TMEM150C: variants seen among roughly 807,000 people sequenced by gnomAD.
TMEM150C encodes the protein tentonin 3.
In TMEM150C, 10 loss-of-function variants were observed where a neutral mutation model predicts 29.9. That is an observed-to-expected ratio of 0.33 (90% CI 0.21 to 0.57). TMEM150C has a LOEUF of 0.57. Ranked by LOEUF, TMEM150C falls within the 20% of genes least tolerant of loss-of-function variation. The pLI is 0.88. For missense variants in TMEM150C, 251 were observed against 303.6 expected, an observed-to-expected ratio of 0.83 and a Z score of 1.29; for synonymous variants, 101 against 112.5, an observed-to-expected ratio of 0.90 and a Z score of 0.64.
chr4:82,507,727 CTTTTTTTTTTTTTTTTTTTTTTTTTTTTT>C (rs869112887), intron 1 of TMEM150C, among the ~76,000 whole-genome samples: 39 of 20,590 alleles, frequency 1.9e-3, no homozygotes, highest in Non-Finnish European at 2.5e-3. Flanking sequence ...CTCTCTCTCT[CTTTTTTTTTTTTTTTTTTTTTTTTTTTTT>C]TTTTTTTTTT....
chr4:82,544,716 CTGCAGT>C (rs1725304243), intron 1 of TMEM150C, among the ~76,000 whole-genome samples: 1 of 146,300 alleles, frequency 6.8e-6, no homozygotes, highest in African/African-American at 2.7e-5. Flanking sequence ...CAGGTAGAGG[CTGCAGT>C]GAGCCATGTT....
Position 82,484,439 on chromosome 4 carries a change from G to C in TMEM150C, c.*1072C>G, listed in dbSNP as rs1428139566. 1 of 148,876 alleles carries C rather than the reference G, an allele frequency of 6.7e-6. No individual in the cohort carries two copies. Among genetic ancestry groups the C allele is most frequent in the Non-Finnish European group, 1.5e-5 (1 of 67,386 alleles). The allele number at this position is 148,876 out of a possible 1,614,324, so 9.2% of individuals were successfully genotyped here. On this transcript the variant is annotated 3_prime_UTR_variant, in exon 8 of 8. Coordinates refer to ENST00000449862, the MANE Select transcript of TMEM150C (RefSeq NM_001080506.3). ...AAAAAAAAAAAACCCTACTAAATTT[G>C]AGCAAAAGATACATATTAACAAAGT...
rs577728662 is a variant in TMEM150C at position 82,540,114 on chromosome 4, C to CTTTTTTTTTTTTTT, written c.-11+21778_-11+21791dup. 8.5e-5 allele frequency among the ~76,000 whole-genome samples: 4 copies of CTTTTTTTTTTTTTT among 47,262 alleles called. 1 individual carries two copies. The highest frequency in any genetic ancestry group is 1.6e-4 in the Non-Finnish European group (3 of 19,292). The allele number at this position is 47,262 out of a possible 152,430, so 31.0% of individuals were successfully genotyped here. The stretch of plus-strand genomic sequence containing the variant: ...TAGTCATTCAATGTTTCTACCTATT[C>CTTTTTTTTTTTTTT]TTTTTTTTTTTTTTTTTTTTTTTTT... On this transcript the variant is annotated intron_variant, in intron 1 of 7. Transcript: ENST00000449862.
intron 1 of TMEM150C, among the ~76,000 whole-genome samples, chr4:82,528,473 C>T (rs1357175027): frequency 1.3e-5 from 2 of 152,162 alleles, no homozygotes; most frequent in African/African-American, 4.8e-5. Flanking sequence ...ATGAAGATGG[C>T]ACGTGTTCCA....
chr4:82,485,538 AGCTTCTGACAG>A lies in TMEM150C; in HGVS notation c.712_722del (p.Leu238PhefsTer2). The A allele has an allele frequency of 6.2e-7, 1 of 1,606,242 alleles. No homozygotes were observed. Among genetic ancestry groups the A allele is most frequent in the Non-Finnish European group, 8.5e-7 (1 of 1,176,292 alleles). ...ACACCTGGTCAGTCTGATATTCAGA[AGCTTCTGACAG>A]GCTTTCTGAGAAGCTTAGGAAATTC... is the stretch of plus-strand genomic sequence containing the variant. On this transcript the variant is annotated frameshift_variant, in exon 8 of 8. Transcript: ENST00000449862. LOFTEE classifies it high-confidence loss of function.
intron 1 of TMEM150C, among the ~76,000 whole-genome samples, chr4:82,507,663 CTG>C (rs1723969550): frequency 6.8e-6 from 1 of 147,890 alleles, no homozygotes; most frequent in South Asian, 2.2e-4. Flanking sequence ...GTTCAGATAC[CTG>C]ACTGAAAGTA....
chr4:82,491,086 A>G (rs1723328175), intron 6 of TMEM150C: 2 of 710,338 alleles, frequency 2.8e-6, no homozygotes. Context: ...ATGCAGCAAG[A>G]GACCCCCATT....
In TMEM150C at chr4:82,490,139, T is replaced by C. The variant is rs1723287093; in HGVS notation, c.463A>G (p.Asn155Asp). ...WIQAALTLKV[N>D]IKNEGRRVGI... Reference sequence around the variant, plus strand: ...ACTCTCCGTCCTTCATTCTTGATGTTGACCTTGAGTGTCAGCGCAGCCTGG... The same window carrying C: ...ACTCTCCGTCCTTCATTCTTGATGTCGACCTTGAGTGTCAGCGCAGCCTGG... The change falls in exon 7 of 8, where the codon AAC (asparagine) becomes GAC (aspartate). Residue 155 changes from asparagine to aspartate, a missense_variant. Asn to Asp is a conservative substitution (Grantham distance 23). Transcript: ENST00000449862. The C allele has an allele frequency of 3.1e-6, 5 of 1,613,932 alleles. No homozygotes were observed. Among genetic ancestry groups the C allele is most frequent in the African/African-American group, 1.3e-5 (1 of 74,950 alleles).
intron 1 of TMEM150C, among the ~76,000 whole-genome samples, chr4:82,555,554 G>A (rs1353038589): frequency 6.6e-6 from 1 of 152,186 alleles, no homozygotes; most frequent in Non-Finnish European, 1.5e-5. Context: ...TCACCCATCA[G>A]GCCTCCTCTT....
chr4:82,527,959 G>GAGAGTGAAAAGGGGT (rs1724708854), intron 1 of TMEM150C, among the ~76,000 whole-genome samples: 3 of 152,228 alleles, frequency 2.0e-5, no homozygotes, highest in African/African-American at 7.2e-5. Context: ...AAGGCAAGGA[G>GAGAGTGAAAAGGGGT]CAGGAAAAAT....
At chr4:82,530,536 G>A (rs1396645046) in intron 1 of TMEM150C, among the ~76,000 whole-genome samples, 1 of 152,080 alleles carries the variant, frequency 6.6e-6, no homozygotes, top group African/African-American at 2.4e-5. Context: ...CAGCCTGGAT[G>A]ACAAAGCGAG....
intron 1 of TMEM150C, among the ~76,000 whole-genome samples, chr4:82,556,935 T>C (rs1303220230): frequency 6.6e-6 from 1 of 152,148 alleles, no homozygotes; most frequent in African/African-American, 2.4e-5. Flanking sequence ...ACAAACATAG[T>C]CAATAAATTT....
chr4:82,515,714 G>T (rs1200357133), intron 1 of TMEM150C, among the ~76,000 whole-genome samples: 1 of 151,244 alleles, frequency 6.6e-6, no homozygotes, highest in African/African-American at 2.4e-5. Flanking sequence ...TTCTGCCTGG[G>T]CGACAGAGTG....
At chr4:82,562,020 G>A (rs1387362665), upstream of TMEM150C, 1 of 1,154,184 alleles carries the variant, frequency 8.7e-7, no homozygotes, top group Non-Finnish European at 1.1e-6. Context: ...GGTGGGATCT[G>A]CTCACCCGCC....
At chr4:82,516,442 G>A (rs968108429) in intron 1 of TMEM150C, among the ~76,000 whole-genome samples, 1 of 152,192 alleles carries the variant, frequency 6.6e-6, no homozygotes, top group African/African-American at 2.4e-5. Context: ...CTTAGTAGCT[G>A]GGTGATACTG....
At chr4:82,506,954 G>A (rs182340940) in intron 1 of TMEM150C, among the ~76,000 whole-genome samples, 103 of 152,214 alleles carry the variant, frequency 6.8e-4, no homozygotes, top group African/African-American at 2.1e-3. Flanking sequence ...TCCCAACCTC[G>A]GCTTTCCCAA....
At chr4:82,498,194 T>C (rs1239547532) in intron 5 of TMEM150C, among the ~76,000 whole-genome samples, 3 of 151,560 alleles carry the variant, frequency 2.0e-5, no homozygotes, top group South Asian at 2.1e-4. Flanking sequence ...TTTGTATTTT[T>C]AGTAGAGACA....
chr4:82,524,198 G>A (rs1014614929), intron 1 of TMEM150C, among the ~76,000 whole-genome samples: 1 of 151,918 alleles, frequency 6.6e-6, no homozygotes, highest in Non-Finnish European at 1.5e-5. Context: ...AACCCGGGGG[G>A]CGGAGCTTGC....
At position 82,548,910 on chromosome 4, in the gene TMEM150C, T is replaced by C. The variant is rs901305893; in HGVS notation, c.-11+12996A>G. ...AGAGTTTGTGATGCTTAGGGAATCA[T>C]GAGTAAGTCAGAGAGTGGTGATAGG... is the stretch of plus-strand genomic sequence containing the variant. On this transcript the variant is annotated intron_variant, in intron 1 of 7. Coordinates refer to ENST00000449862, the MANE Select transcript of TMEM150C (RefSeq NM_001080506.3). Among the ~76,000 whole-genome samples, 20 of 152,300 alleles carry C rather than the reference T, an allele frequency of 1.3e-4. No homozygotes were observed. In the East Asian group the frequency reaches 2.1e-3, roughly 16 times the overall value.
Sources: gnomAD v4.1 joint callset for allele counts (sites outside exome capture counted in the v4.1 genomes callset) on GRCh38, gnomAD v4.1.1 for gene constraint, MANE v1.5 for transcripts, NCBI Gene and HGNC (gene_info 2026-07-23, HGNC 2026-07-21) for gene names.